Variants in CACNG5 observed in about 807,000 individuals in gnomAD.
CACNG5 encodes voltage-dependent calcium channel gamma-5 subunit.
CACNG5 carries 18 observed loss-of-function variants against 24.8 expected under a neutral mutation model. The ratio of observed to expected loss-of-function variants is 0.73; its 90% CI spans 0.50 to 1.08. CACNG5 has a LOEUF of 1.08. Ranked by LOEUF, CACNG5 falls within the 50% of genes least tolerant of loss-of-function variation. The pLI is 0.00. For missense variants in CACNG5, 349 were observed against 367.9 expected, an observed-to-expected ratio of 0.95 and a Z score of 0.42; for synonymous variants, 157 against 149.1, an observed-to-expected ratio of 1.05 and a Z score of -0.39.
In CACNG5 at chr17:66,893,816, G is replaced by A. The variant is rs3744295; in HGVS notation, c.*8576G>A. Among the ~76,000 whole-genome samples, 10,034 of 151,948 alleles carry A rather than the reference G, an allele frequency of 0.066. 352 individuals carry two copies. Among genetic ancestry groups the A allele is most frequent in the East Asian group, 0.15 (760 of 5,152 alleles). On this transcript the variant is annotated 3_prime_UTR_variant, in exon 6 of 6. Coordinates refer to ENST00000533854, the MANE Select transcript of CACNG5 (RefSeq NM_145811.3). ...CAATGTTTCCTGAAGCACTGGAAGC[G>A]TAAATTCCTGAGTTGATGGGTGTGT...
chr17:66,876,461 G>A (rs144964669), intron 1 of CACNG5, among the ~76,000 whole-genome samples: 208 of 152,298 alleles, frequency 1.4e-3, no homozygotes, highest in Non-Finnish European at 1.8e-3. Context: ...CAGCAGGTGG[G>A]GCTTGTGGTT....
chr17:66,867,288 A>G (rs541416022), intron 1 of CACNG5, among the ~76,000 whole-genome samples: 1 of 152,126 alleles, frequency 6.6e-6, no homozygotes, highest in Non-Finnish European at 1.5e-5. Context: ...GCATCTGTTC[A>G]TGTCCTTTGC....
intron 1 of CACNG5, among the ~76,000 whole-genome samples, chr17:66,865,785 A>C (rs1232421787): frequency 6.8e-6 from 1 of 146,928 alleles, no homozygotes; most frequent in Non-Finnish European, 1.5e-5. Context: ...GCCCACCACC[A>C]TGCACGGCTA....
At chr17:66,872,673 C>G (rs1403878482) in intron 1 of CACNG5, among the ~76,000 whole-genome samples, 1 of 152,212 alleles carries the variant, frequency 6.6e-6, no homozygotes, top group African/African-American at 2.4e-5. Flanking sequence ...ATCCCAGGCA[C>G]TTCTCCCCTC....
At chr17:66,864,108 A>G (rs1160082405) in intron 1 of CACNG5, among the ~76,000 whole-genome samples, 1 of 152,172 alleles carries the variant, frequency 6.6e-6, no homozygotes, top group East Asian at 1.9e-4. Context: ...ACCTTGGGGA[A>G]TCTGTTAGAT....
At chr17:66,869,398 T>G (rs2058820394) in intron 1 of CACNG5, among the ~76,000 whole-genome samples, 1 of 152,200 alleles carries the variant, frequency 6.6e-6, no homozygotes, top group Non-Finnish European at 1.5e-5. Flanking sequence ...TGTGCTACTT[T>G]CTGATTGCAG....
intron 1 of CACNG5, among the ~76,000 whole-genome samples, chr17:66,848,555 C>A (rs1400382320): frequency 1.3e-5 from 2 of 152,228 alleles, no homozygotes; most frequent in East Asian, 1.9e-4. Context: ...CAGATTCAGA[C>A]TAAAGTGTTA....
chr17:66,872,490 G>A (rs1416800696), intron 1 of CACNG5, among the ~76,000 whole-genome samples: 2 of 152,168 alleles, frequency 1.3e-5, no homozygotes, highest in Non-Finnish European at 2.9e-5. Flanking sequence ...AAGACTAAAA[G>A]GCAATGAACT....
At chr17:66,852,966 CCTCCTTCTCTCTT>C (rs1347785706) in intron 1 of CACNG5, among the ~76,000 whole-genome samples, 15 of 150,736 alleles carry the variant, frequency 1.0e-4, no homozygotes, top group South Asian at 2.1e-4. Flanking sequence ...CTCCTTCTCT[CCTCCTTCTCTCTT>C]CTCCTTCTCT....
At chr17:66,841,982 A>G (rs1976575590) in intron 1 of CACNG5, among the ~76,000 whole-genome samples, 1 of 152,204 alleles carries the variant, frequency 6.6e-6, no homozygotes, top group African/African-American at 2.4e-5. Flanking sequence ...CTGTGGAGCC[A>G]AGCAAGGAAT....
rs751609345 is a variant in CACNG5 at position 66,884,970 on chromosome 17, C to T, written c.571-13C>T. 1 of 1,614,118 alleles carries T rather than the reference C, an allele frequency of 6.2e-7. No individual in the cohort carries two copies. The highest frequency in any genetic ancestry group is 1.1e-5 in the South Asian group (1 of 91,072). On this transcript the variant is annotated splice_polypyrimidine_tract_variant and intron_variant, in intron 5 of 5. Transcript: ENST00000533854. ...CAGCAGCGAGCCCATCCTCTGCTGT[C>T]TTCTCCCTGTAGAGTGCCGGGGTGA...
At chr17:66,845,461 T>TA (rs113767708) in intron 1 of CACNG5, among the ~76,000 whole-genome samples, 84,979 of 147,494 alleles carry the variant, frequency 0.58, 24,441 homozygotes, top group Middle Eastern at 0.65. Flanking sequence ...AAGTAAAATT[T>TA]AAAAAAAAAA....
At chr17:66,869,477 C>G (rs1291928326) in intron 1 of CACNG5, among the ~76,000 whole-genome samples, 4 of 152,174 alleles carry the variant, frequency 2.6e-5, no homozygotes, top group Non-Finnish European at 4.4e-5. Context: ...TTCACAATAA[C>G]TCTTATGAAG....
At chr17:66,874,767 A>G (rs1310564132) in intron 1 of CACNG5, among the ~76,000 whole-genome samples, 1 of 152,104 alleles carries the variant, frequency 6.6e-6, no homozygotes, top group Non-Finnish European at 1.5e-5. Flanking sequence ...CCAAGCTTAC[A>G]TGGATCTTTA....
At chr17:66,868,382 G>A (rs1976957663) in intron 1 of CACNG5, among the ~76,000 whole-genome samples, 1 of 152,196 alleles carries the variant, frequency 6.6e-6, no homozygotes, top group Non-Finnish European at 1.5e-5. Flanking sequence ...TTTGCTTTTA[G>A]TCTTGGGGCA....
chr17:66,875,777 C>T (rs779455182), intron 1 of CACNG5, among the ~76,000 whole-genome samples: 1 of 152,222 alleles, frequency 6.6e-6, no homozygotes, highest in Non-Finnish European at 1.5e-5. Flanking sequence ...AAAGTTCTGA[C>T]TTTGCAATAT....
chr17:66,849,180 C>G (rs965327459), intron 1 of CACNG5, among the ~76,000 whole-genome samples: 1 of 152,230 alleles, frequency 6.6e-6, no homozygotes, highest in Non-Finnish European at 1.5e-5. Flanking sequence ...ACAGAGACAT[C>G]ATTCCCGGTG....
At chr17:66,836,996 G>A (rs567496882) in intron 1 of CACNG5, among the ~76,000 whole-genome samples, 4 of 152,336 alleles carry the variant, frequency 2.6e-5, no homozygotes, top group Middle Eastern at 3.4e-3. Flanking sequence ...GGAAAACGTC[G>A]GCTCCAAACC....
At position 66,885,576 on chromosome 17, in the gene CACNG5, A is replaced by AC. The variant is rs145561761; in HGVS notation, c.*342dup. 1.5e-5 allele frequency: 4 copies of AC among 272,174 alleles called. No individual in the cohort carries two copies. Among genetic ancestry groups the AC allele is most frequent in the African/African-American group, 6.6e-5 (3 of 45,338 alleles). The allele number at this position is 272,174 out of a possible 1,614,324, so 16.9% of individuals were successfully genotyped here. A position where few individuals can be genotyped will look rare whatever the true frequency, so the allele number is the denominator to read the frequency against. ...TGTTCCCTTTGTATATTCTTCCTGC[A>AC]CCCCCCAACTTCATGGCCCTGGGCC... On this transcript the variant is annotated 3_prime_UTR_variant, in exon 6 of 6. Transcript: ENST00000533854.
Sources: gnomAD v4.1 joint callset for allele counts (sites outside exome capture counted in the v4.1 genomes callset) on GRCh38, gnomAD v4.1.1 for gene constraint, MANE v1.5 for transcripts, NCBI Gene and HGNC (gene_info 2026-07-23, HGNC 2026-07-21) for gene names.